Variants in TRAPPC2L observed in about 807,000 individuals in gnomAD.
The protein encoded by TRAPPC2L is trafficking protein particle complex subunit 2L.
In TRAPPC2L, 17 loss-of-function variants were observed where a neutral mutation model predicts 13.2. The ratio of observed to expected loss-of-function variants is 1.29; its 90% CI spans 0.88 to 1.93. The LOEUF is 1.93. TRAPPC2L is among the 30% of genes most tolerant of loss of function. TRAPPC2L has a pLI of 0.00. For synonymous variants in TRAPPC2L, 150 were observed against 98.1 expected (o/e 1.53, Z -3.12); for missense variants, 359 against 252.1 (o/e 1.42, Z -2.87).
upstream of TRAPPC2L, chr16:88,856,471 C>G: frequency 1.4e-6 from 1 of 700,226 alleles, no homozygotes; most frequent in East Asian, 2.7e-5. Context: ...GGACGCTGTC[C>G]CGGTCATGCA....
At chr16:88,857,863 A>G (rs1473310409) in intron 1 of TRAPPC2L, among the ~76,000 whole-genome samples, 1 of 152,210 alleles carries the variant, frequency 6.6e-6, no homozygotes. Context: ...GTGGCTGCCC[A>G]CACGCTCCTG....
At chr16:88,860,635 C>A in exon 4 of TRAPPC2L, 1 of 595,294 alleles carries the variant, frequency 1.7e-6, no homozygotes, top group Non-Finnish European at 3.0e-6. Context: ...TGCACAGGGC[C>A]ATCCTTGCCA....
intron 2 of TRAPPC2L, chr16:88,859,364 A>G: frequency 1.5e-6 from 1 of 688,232 alleles, no homozygotes; most frequent in East Asian, 2.8e-5. Flanking sequence ...CGGGCCAGGC[A>G]TTGATTCATG....
exon 4 of TRAPPC2L, chr16:88,860,413 C>A (rs1968305117): frequency 3.3e-6 from 2 of 607,340 alleles, no homozygotes; most frequent in Admixed American, 2.9e-5. Flanking sequence ...AACTTTTGAA[C>A]ATCATGAGGG....
At chr16:88,860,863 G>C (rs1448205052) in exon 4 of TRAPPC2L, 1 of 1,559,154 alleles carries the variant, frequency 6.4e-7, no homozygotes. Flanking sequence ...TCTCTGAGCA[G>C]AGGGGTGGAG....
At chr16:88,860,768 T>C in exon 4 of TRAPPC2L, 1 of 864,944 alleles carries the variant, frequency 1.2e-6, no homozygotes, top group Non-Finnish European at 1.8e-6. Context: ...GGGACTCCTG[T>C]CCTGGCCTCT....
At chr16:88,859,722 C>T (rs1229230674) in exon 3 of TRAPPC2L, 1 of 1,613,928 alleles carries the variant, frequency 6.2e-7, no homozygotes, top group African/African-American at 1.3e-5. Context: ...TCCTCCAACA[C>T]AGCCCTTCGA....
exon 4 of TRAPPC2L, chr16:88,861,866 G>A: frequency 3.3e-6 from 1 of 301,682 alleles, no homozygotes; most frequent in Non-Finnish European, 6.7e-6. Flanking sequence ...CCTAGGGAGG[G>A]GAACTTTCTT....
At chr16:88,856,604 C>G, upstream of TRAPPC2L, 1 of 563,652 alleles carries the variant, frequency 1.8e-6, no homozygotes, top group South Asian at 1.7e-5. Flanking sequence ...TCCCCCTCCT[C>G]CTCCCCGCGC....
At chr16:88,857,218 A>G (rs1411672189) in intron 1 of TRAPPC2L, 35 bp downstream of exon 1, 8 of 1,507,250 alleles carry the variant, frequency 5.3e-6, no homozygotes, top group African/African-American at 1.4e-5. Flanking sequence ...CCGGGCTCGC[A>G]CCATCCTCGG....
In TRAPPC2L at chr16:88,859,657, G is replaced by T. The variant is rs749471400; in HGVS notation, c.207-6G>T. 4 of 1,613,862 alleles carry T rather than the reference G, an allele frequency of 2.5e-6. No homozygotes were observed. In the Admixed American group the frequency reaches 6.7e-5, roughly 27 times the overall value. ...TTACGAGTGCCTTCCCTAACCAGCT[G>T]TGCAGATACGGCTACGTCACCAACT... On this transcript the variant is annotated splice_polypyrimidine_tract_variant and splice_region_variant and intron_variant, in intron 2 of 3. Coordinates refer to ENST00000565504, the Ensembl canonical transcript of TRAPPC2L.
At chr16:88,858,679 G>C (rs1968158138) in exon 2 of TRAPPC2L, 1 of 1,613,570 alleles carries the variant, frequency 6.2e-7, no homozygotes, top group African/African-American at 1.3e-5. Context: ...CCACTACATG[G>C]TGCACACATC....
In TRAPPC2L at chr16:88,859,913, CT is replaced by C; in HGVS notation, c.316del (p.Ser106ProfsTer5). ...TTCAGATGTTCCGGAAGCTACACAACTCCTACACAGACGTGATGTGCAACCC... is the reference window on the plus strand; with the variant it reads ...TTCAGATGTTCCGGAAGCTACACAACCCTACACAGACGTGATGTGCAACCC... On this transcript the variant is annotated frameshift_variant, in exon 4 of 4. Coordinates refer to ENST00000565504, the Ensembl canonical transcript of TRAPPC2L. LOFTEE classifies it low-confidence loss of function (END_TRUNC). The C allele has an allele frequency of 2.5e-6, 4 of 1,576,168 alleles. No individual in the cohort carries two copies. The highest frequency in any genetic ancestry group is 3.4e-6 in the Non-Finnish European group (4 of 1,166,972).
Position 88,859,770 on chromosome 16 carries a change from G to A in TRAPPC2L, c.294+20G>A, listed in dbSNP as rs375123788. ...CGCAGCGTAAGTCAGGGAGTTAGAG[G>A]GCCACGCCCGAGTGGGTGTTTTGTT... On this transcript the variant is annotated intron_variant, in intron 3 of 3. Coordinates refer to ENST00000565504, the Ensembl canonical transcript of TRAPPC2L. 714 of 1,604,798 alleles carry A rather than the reference G, an allele frequency of 4.4e-4. 11 individuals are homozygous for A. In the South Asian group the frequency reaches 6.5e-3, roughly 15 times the overall value.
At chr16:88,856,839 C>G, upstream of TRAPPC2L, 1 of 1,518,884 alleles carries the variant, frequency 6.6e-7, no homozygotes, top group Non-Finnish European at 8.8e-7. Context: ...GCACCAGCAA[C>G]AGCTGCCACC....
upstream of TRAPPC2L, chr16:88,856,901 C>T: frequency 6.7e-7 from 1 of 1,500,068 alleles, no homozygotes; most frequent in Non-Finnish European, 8.8e-7. Context: ...GCCGCGGAGC[C>T]CCGGCCAGCG....
At chr16:88,860,233 G>A in exon 4 of TRAPPC2L, 1 of 702,970 alleles carries the variant, frequency 1.4e-6, no homozygotes, top group Non-Finnish European at 2.6e-6. Context: ...TCCCAGGTGT[G>A]CCCAGTGGGT....
exon 4 of TRAPPC2L, chr16:88,862,569 C>G (rs537404949): frequency 6.6e-6 from 1 of 152,222 alleles, no homozygotes; most frequent in Admixed American, 6.5e-5. Context: ...CCTTTGCTGA[C>G]GCAGAACGCG....
At chr16:88,857,048 G>C, upstream of TRAPPC2L, 1 of 1,439,616 alleles carries the variant, frequency 6.9e-7, no homozygotes, top group Non-Finnish European at 9.1e-7. Context: ...GTGACCAGTG[G>C]GGCGGGGCCT....
Sources: gnomAD v4.1 joint callset for allele counts (sites outside exome capture counted in the v4.1 genomes callset) on GRCh38, gnomAD v4.1.1 for gene constraint, MANE v1.5 for transcripts, NCBI Gene and HGNC (gene_info 2026-07-23, HGNC 2026-07-21) for gene names.